The following MXI1 variants were observed in gnomAD, a reference collection of about 807,000 sequenced individuals.
MXI1 encodes the protein max-interacting protein 1.
In MXI1, 18 loss-of-function variants were observed where a neutral mutation model predicts 36.9. The observed-to-expected ratio is 0.49, with a 90% CI of 0.34 to 0.72. The LOEUF (loss-of-function observed/expected upper bound fraction) is 0.72. Ranked by LOEUF, MXI1 falls within the 30% of genes least tolerant of loss-of-function variation. The pLI is 0.01. For missense variants in MXI1, 304 were observed against 379.1 expected (o/e 0.80, Z 1.64); for synonymous variants, 160 against 146.7 (o/e 1.09, Z -0.65).
At chr10:110,244,706 T>A (rs1440723238) in intron 2 of MXI1, 122 bp from the exon 3 acceptor site, 1 of 694,790 alleles carries the variant, frequency 1.4e-6, no homozygotes, top group African/African-American at 1.8e-5. Flanking sequence ...CTTGTAGAAG[T>A]CTGACCATGT....
At chr10:110,248,861 A>G (rs147848553) in intron 3 of MXI1, among the ~76,000 whole-genome samples, 168 of 152,316 alleles carry the variant, frequency 1.1e-3, no homozygotes, top group Non-Finnish European at 1.8e-3. Flanking sequence ...TTTATCAACA[A>G]AAATAAAACT....
At chr10:110,225,604 A>G (rs1854933706) in intron 1 of MXI1, among the ~76,000 whole-genome samples, 1 of 152,184 alleles carries the variant, frequency 6.6e-6, no homozygotes, top group South Asian at 2.1e-4. Flanking sequence ...GGAACATGAT[A>G]CTTCGAATAA....
At chr10:110,273,581 T>C (rs1357901589) in intron 3 of MXI1, among the ~76,000 whole-genome samples, 1 of 152,136 alleles carries the variant, frequency 6.6e-6, no homozygotes, top group African/African-American at 2.4e-5. Flanking sequence ...TATATATGTG[T>C]AGGAAAAGTA....
At chr10:110,236,124 CTTTTTTTTTTTTTTTTTTTTTTTTTT>C (rs60576710) in intron 2 of MXI1, among the ~76,000 whole-genome samples, 3 of 33,540 alleles carry the variant, frequency 8.9e-5, no homozygotes, top group African/African-American at 1.2e-4. Context: ...GGTTGAAGTT[CTTTTTTTTTTTTTTTTTTTTTTTTTT>C]TTTTTTTTTT....
intron 2 of MXI1, 141 bp downstream of exon 2, chr10:110,228,462 C>A: frequency 9.9e-7 from 1 of 1,009,082 alleles, no homozygotes; most frequent in Non-Finnish European, 1.4e-6. Flanking sequence ...ATAATGAAGT[C>A]TAGAAATCAT....
intron 2 of MXI1, among the ~76,000 whole-genome samples, chr10:110,238,092 T>A (rs1855535035): frequency 6.6e-6 from 1 of 152,182 alleles, no homozygotes. Context: ...TCCTGGCACA[T>A]TTATGTGTTT....
At chr10:110,237,423 T>C (rs933957574) in intron 2 of MXI1, among the ~76,000 whole-genome samples, 2 of 152,200 alleles carry the variant, frequency 1.3e-5, no homozygotes, top group Non-Finnish European at 2.9e-5. Flanking sequence ...TTTAAATGCT[T>C]TTTCTACATC....
At position 110,285,059 on chromosome 10, in the gene MXI1, T is replaced by C. The variant is rs1455047704; in HGVS notation, c.*72T>C. 6.9e-7 allele frequency: 1 copy of C among 1,439,564 alleles called. No individual in the cohort carries two copies. 89.2% of individuals were successfully genotyped at this position (1,439,564 alleles called of 1,614,324 possible). A position where few individuals can be genotyped will look rare whatever the true frequency, so the allele number is the denominator to read the frequency against. The stretch of plus-strand genomic sequence containing the variant: ...ATTCAATACAAACAATCTCTTAAAT[T>C]GGGTTCATGATGCAGTCTCCTCTTT... On this transcript the variant is annotated 3_prime_UTR_variant, in exon 6 of 6. Coordinates refer to ENST00000332674, the MANE Select transcript of MXI1 (RefSeq NM_130439.3).
Position 110,207,862 on chromosome 10 carries a change from G to A in MXI1, c.54G>A (p.Leu18=). 1 of 1,198,492 alleles carries A rather than the reference G, an allele frequency of 8.3e-7. No individual in the cohort carries two copies. The highest frequency in any genetic ancestry group is 1.0e-6 in the Non-Finnish European group (1 of 966,344). 74.2% of individuals were successfully genotyped at this position (1,198,492 alleles called of 1,614,324 possible). The part of the protein sequence containing the change: ...RKEARCEGAG[L]APAAPPAVPP... ...AGGCGCGCTGCGAGGGCGCGGGGCT[G>A]GCCCCCGCCGCGCCCCCGGCTGTGC... Residue 18 remains leucine (L), a synonymous_variant, in exon 1 of 6, where the codon CTG becomes CTA. Transcript: ENST00000332674.
intron 4 of MXI1, 41 bp from the exon 5 acceptor site, chr10:110,279,873 C>G: frequency 6.6e-7 from 1 of 1,505,366 alleles, no homozygotes; most frequent in Non-Finnish European, 9.0e-7. Context: ...ATTGTTTGTA[C>G]TGGACTATAC....
intron 3 of MXI1, among the ~76,000 whole-genome samples, chr10:110,251,396 A>G (rs1338613284): frequency 1.3e-5 from 2 of 152,118 alleles, no homozygotes; most frequent in African/African-American, 4.8e-5. Context: ...AAGATACCCT[A>G]TTCTATTCTA....
Position 110,284,888 on chromosome 10 carries a change from C to T in MXI1, c.789C>T (p.Thr263=). 1 of 1,613,684 alleles carries T rather than the reference C, an allele frequency of 6.2e-7. No individual in the cohort carries two copies. The highest frequency in any genetic ancestry group is 1.1e-5 in the South Asian group (1 of 91,066). Residue 263 remains threonine (T), a synonymous_variant, in exon 6 of 6, where the codon ACC becomes ACT. Transcript: ENST00000332674. ...FSHGEVDNIS[T]TSISDIDDHS... is the part of the protein sequence containing the mutation. ...ATGGAGAAGTGGACAATATAAGTAC[C>T]ACCAGCATCAGTGACATTGATGACC...
At chr10:110,233,004 T>G (rs1855329638) in intron 2 of MXI1, among the ~76,000 whole-genome samples, 1 of 152,198 alleles carries the variant, frequency 6.6e-6, no homozygotes, top group African/African-American at 2.4e-5. Context: ...ATATTGGCAA[T>G]AAATATTCAT....
At chr10:110,248,505 A>G (rs1855955635) in intron 3 of MXI1, among the ~76,000 whole-genome samples, 2 of 152,176 alleles carry the variant, frequency 1.3e-5, no homozygotes, top group Admixed American at 6.5e-5. Flanking sequence ...TAGCTGTGGC[A>G]TAGGTATAAC....
chr10:110,228,317 A>G lies in MXI1; in HGVS notation c.403A>G (p.Asn135Asp). ...SSGSSNTSTA[N>D]RSTHNELEKN... ...CGGGAGCAGCAACACCAGCACTGCCAACAGGTAGCAAGCTGGGAACGCTTA... is the reference window on the plus strand; with the variant it reads ...CGGGAGCAGCAACACCAGCACTGCCGACAGGTAGCAAGCTGGGAACGCTTA... Residue 135 changes from asparagine (N) to aspartate (D), a missense_variant, in exon 2 of 6, where the codon AAC becomes GAC. By Grantham distance (23) the Asn-to-Asp change is conservative. Coordinates refer to ENST00000332674, the MANE Select transcript of MXI1 (RefSeq NM_130439.3). 2 of 1,614,176 alleles carry G rather than the reference A, an allele frequency of 1.2e-6. No homozygotes were observed. The highest frequency in any genetic ancestry group is 1.7e-6 in the Non-Finnish European group (2 of 1,180,022).
At chr10:110,228,064 G>A (rs1314092755) in intron 1 of MXI1, 125 bp from the exon 2 acceptor site, 10 of 1,059,006 alleles carry the variant, frequency 9.4e-6, no homozygotes, top group East Asian at 2.4e-5. Flanking sequence ...ACCAAAAAGA[G>A]TGGAAACATT....
chr10:110,249,292 A>G (rs1855983549), intron 3 of MXI1, among the ~76,000 whole-genome samples: 2 of 152,088 alleles, frequency 1.3e-5, no homozygotes, highest in Non-Finnish European at 2.9e-5. Context: ...TGTATAACAT[A>G]TTCATGTCAG....
chr10:110,251,850 G>A (rs1202822797), intron 3 of MXI1, among the ~76,000 whole-genome samples: 3 of 152,148 alleles, frequency 2.0e-5, no homozygotes, highest in African/African-American at 7.2e-5. Context: ...AGACCGTATT[G>A]AGTTAAATAG....
intron 3 of MXI1, among the ~76,000 whole-genome samples, chr10:110,250,176 A>G (rs1487175858): frequency 1.3e-5 from 2 of 152,214 alleles, no homozygotes; most frequent in South Asian, 2.1e-4. Flanking sequence ...TTGGGAGCTG[A>G]TATCTGCCCA....
Sources: gnomAD v4.1 joint callset for allele counts (sites outside exome capture counted in the v4.1 genomes callset) on GRCh38, gnomAD v4.1.1 for gene constraint, MANE v1.5 for transcripts, NCBI Gene and HGNC (gene_info 2026-07-23, HGNC 2026-07-21) for gene names.